The following ZNF385D variants were observed in gnomAD, a reference collection of about 807,000 sequenced individuals.
ZNF385D encodes the protein zinc finger protein 385D.
Under a neutral mutation model 35.8 loss-of-function variants are expected in ZNF385D, and 15 were observed. The ratio of observed to expected loss-of-function variants is 0.42; its 90% CI spans 0.28 to 0.64. The LOEUF (loss-of-function observed/expected upper bound fraction) is 0.64, where lower values mean the gene tolerates loss of function less well. ZNF385D is among the 30% of genes least tolerant of loss of function. ZNF385D has a pLI of 0.23. For missense variants in ZNF385D, 474 were observed against 494.6 expected, an observed-to-expected ratio of 0.96 and a Z score of 0.39; for synonymous variants, 212 against 186.8, an observed-to-expected ratio of 1.13 and a Z score of -1.10.
At chr3:21,556,054 TTTTTTTTGTTTTTG>T (rs2062724178) in intron 3 of ZNF385D, among the ~76,000 whole-genome samples, 1 of 139,404 alleles carries the variant, frequency 7.2e-6, no homozygotes, top group Non-Finnish European at 1.5e-5. Flanking sequence ...CTTTTTGACG[TTTTTTTTGTTTTTG>T]TTTTTTTTTT....
chr3:21,883,713 C>T (rs554354282), intron 3 of ZNF385D, among the ~76,000 whole-genome samples: 4 of 152,008 alleles, frequency 2.6e-5, no homozygotes, highest in Admixed American at 6.6e-5. Flanking sequence ...AAAGGAAAGT[C>T]ATTTCATTTT....
intron 3 of ZNF385D, among the ~76,000 whole-genome samples, chr3:22,111,929 T>C (rs1226520618): frequency 1.3e-5 from 2 of 152,112 alleles, no homozygotes; most frequent in Non-Finnish European, 2.9e-5. Flanking sequence ...GTTCCAGTGC[T>C]GGCTTGTCTA....
chr3:21,889,152 T>C (rs558108201), intron 3 of ZNF385D, among the ~76,000 whole-genome samples: 173 of 152,276 alleles, frequency 1.1e-3, no homozygotes, highest in African/African-American at 3.1e-3. Flanking sequence ...GAGAAGCAAC[T>C]AGCTGAGGCT....
chr3:21,832,692 T>C (rs1695075813), intron 3 of ZNF385D, among the ~76,000 whole-genome samples: 1 of 152,210 alleles, frequency 6.6e-6, no homozygotes, highest in Non-Finnish European at 1.5e-5. Context: ...CATGCCATCC[T>C]CAGCACTGTT....
At chr3:22,149,663 G>A (rs911086110) in intron 3 of ZNF385D, among the ~76,000 whole-genome samples, 1 of 152,144 alleles carries the variant, frequency 6.6e-6, no homozygotes, top group African/African-American at 2.4e-5. Flanking sequence ...TAGGCTATTT[G>A]TTACTTACAC....
chr3:22,068,001 G>C (rs1184647739), intron 3 of ZNF385D, among the ~76,000 whole-genome samples: 1 of 120,242 alleles, frequency 8.3e-6, no homozygotes, highest in East Asian at 2.2e-4. Flanking sequence ...GAAAGAGCAA[G>C]ACTCCACTGG....
intron 3 of ZNF385D, among the ~76,000 whole-genome samples, chr3:21,986,031 T>C (rs796507445): frequency 2.8e-5 from 3 of 105,790 alleles, no homozygotes; most frequent in South Asian, 6.1e-4. Flanking sequence ...TATCATTTTT[T>C]ATTGTGTCTA....
At chr3:21,597,270 G>C (rs2064153399) in intron 2 of ZNF385D, among the ~76,000 whole-genome samples, 1 of 151,674 alleles carries the variant, frequency 6.6e-6, no homozygotes, top group African/African-American at 2.4e-5. Context: ...GTGACTCGAA[G>C]ATCTATAATT....
chr3:22,335,339 A>G (rs949813152), intron 2 of ZNF385D, among the ~76,000 whole-genome samples: 6 of 152,186 alleles, frequency 3.9e-5, no homozygotes, highest in Admixed American at 2.6e-4. Flanking sequence ...TGAGTGTACA[A>G]AAATAAACAT....
intron 3 of ZNF385D, among the ~76,000 whole-genome samples, chr3:21,764,269 G>A (rs1194249492): frequency 6.6e-6 from 1 of 152,136 alleles, no homozygotes; most frequent in Non-Finnish European, 1.5e-5. Context: ...AAAGGCAGGG[G>A]AGAGTGGTAT....
chr3:21,765,654 TAGAA>T lies in ZNF385D; in HGVS notation c.326-100630_326-100627del, dbSNP rs149798210. On this transcript the variant is annotated intron_variant, in intron 3 of 5. Transcript: ENST00000494108. ...ATAAGCAACAACAACAAAAAAAAAA[TAGAA>T]AGAGGAAGAAATAGAGATACATATA... Among the ~76,000 whole-genome samples, 754 of 137,750 alleles carry T rather than the reference TAGAA, an allele frequency of 5.5e-3. 9 individuals carry two copies. Among genetic ancestry groups the T allele is most frequent in the African/African-American group, 0.02 (700 of 34,844 alleles). 90.4% of individuals were successfully genotyped at this position (137,750 alleles called of 152,430 possible).
Position 21,949,890 on chromosome 3 carries a change from C to G in ZNF385D, c.325+218927G>C, listed in dbSNP as rs147078663. 1.4e-3 allele frequency among the ~76,000 whole-genome samples: 211 copies of G among 152,206 alleles called. 3 individuals are homozygous for G. The East Asian group carries it at 0.037, about 26-fold the overall frequency. On this transcript the variant is annotated intron_variant, in intron 3 of 5. Transcript: ENST00000494108. ...GTCCCTGCAAAAGACATGAACTCAT[C>G]CTTTTTTATGGCTGCATAGTATTCC...
Position 22,218,997 on chromosome 3 carries a change from C to T in ZNF385D, c.107-49962G>A, listed in dbSNP as rs115736628. Reference sequence around the variant, plus strand: ...TGACATGGTACAAAGATATCATAATCTAGCAATTCCTCTTTTTATGGGCAT... The same window carrying T: ...TGACATGGTACAAAGATATCATAATTTAGCAATTCCTCTTTTTATGGGCAT... On this transcript the variant is annotated intron_variant, in intron 2 of 5. Transcript: ENST00000494108. 4.8e-3 allele frequency among the ~76,000 whole-genome samples: 737 copies of T among 152,230 alleles called. 10 individuals are homozygous for T. The highest frequency in any genetic ancestry group is 0.017 in the African/African-American group (690 of 41,556).
intron 1 of ZNF385D, among the ~76,000 whole-genome samples, chr3:21,736,942 C>CT (rs2125508171): frequency 6.6e-6 from 1 of 152,236 alleles, no homozygotes; most frequent in South Asian, 2.1e-4. Flanking sequence ...AATCCCATTT[C>CT]TTTTTTTCTT....
At chr3:21,850,759 A>G (rs2630806) in intron 3 of ZNF385D, among the ~76,000 whole-genome samples, 123,721 of 151,930 alleles carry the variant, frequency 0.81, 50,502 homozygotes, top group South Asian at 0.87. Context: ...TTCCAGAAGG[A>G]CAATGCCTTA....
chr3:21,508,397 T>C lies in ZNF385D; in HGVS notation c.439+2464A>G, dbSNP rs557335765. ...GGGGTGGGGTGGGGGTGTTAAGCAC[T>C]GGTGTCTGAGTCACATAACATGTTT... On this transcript the variant is annotated intron_variant, in intron 4 of 7. Coordinates refer to ENST00000281523, the MANE Select transcript of ZNF385D (RefSeq NM_024697.3). 2.7e-4 allele frequency among the ~76,000 whole-genome samples: 41 copies of C among 152,272 alleles called. 1 individual carries two copies. The South Asian group carries it at 7.5e-3, about 28-fold the overall frequency.
At chr3:22,087,073 A>G (rs1392978611) in intron 3 of ZNF385D, among the ~76,000 whole-genome samples, 1 of 152,202 alleles carries the variant, frequency 6.6e-6, no homozygotes, top group Admixed American at 6.5e-5. Flanking sequence ...AACTTAAAGT[A>G]CAATAAAAAG....
chr3:22,319,344 T>C (rs1016417214), intron 2 of ZNF385D, among the ~76,000 whole-genome samples: 2 of 151,868 alleles, frequency 1.3e-5, no homozygotes, highest in Admixed American at 6.6e-5. Context: ...TATGTAATAT[T>C]AGTTAATAAA....
intron 3 of ZNF385D, among the ~76,000 whole-genome samples, chr3:21,807,993 T>C (rs76912062): frequency 0.025 from 3,824 of 152,274 alleles, 68 homozygotes; most frequent in Non-Finnish European, 0.038. Flanking sequence ...TCTAACCTCA[T>C]GTATGACCAA....
Sources: allele counts gnomAD v4.1 joint callset (sites outside exome capture counted in the v4.1 genomes callset), GRCh38; gene constraint gnomAD v4.1.1; transcripts MANE v1.5; gene names NCBI Gene and HGNC (gene_info 2026-07-23, HGNC 2026-07-21).